Variants in OXCT1 observed in about 807,000 individuals in gnomAD.
OXCT1 encodes the protein 3-oxoacid CoA-transferase 1.
A neutral mutation model predicts 69.6 loss-of-function variants in OXCT1; 27 were observed. The observed-to-expected ratio is 0.39, with a 90% confidence interval of 0.29 to 0.54. The LOEUF is 0.54. OXCT1 is among the 20% of genes least tolerant of loss of function. OXCT1 has a pLI of 0.72. For synonymous variants in OXCT1, 202 were observed against 217.8 expected (o/e 0.93, Z 0.64); for missense variants, 437 against 650.2 (o/e 0.67, Z 3.57).
chr5:41,859,907 T>TATATATATATATACACAC, intron 3 of OXCT1, among the ~76,000 whole-genome samples: 1 of 138,472 alleles, frequency 7.2e-6, no homozygotes, highest in African/African-American at 2.6e-5. Context: ...TATATATATA[T>TATATATATATATACACAC]ACACACACAC....
rs116059571 is a variant in OXCT1, at chr5:41,757,251, T to C, written c.1338+4860A>G. The stretch of plus-strand genomic sequence containing the variant: ...GGACCTAATTATAAATCTCTTAACA[T>C]GCACCATCCTCCCACACACCAGTGT... On this transcript the variant is annotated intron_variant, in intron 14 of 16. Coordinates refer to ENST00000196371, the MANE Select transcript of OXCT1 (RefSeq NM_000436.4). Among the ~76,000 whole-genome samples the C allele has an allele frequency of 3.8e-3, 579 of 152,220 alleles. 2 individuals carry two copies. The highest frequency in any genetic ancestry group is 0.013 in the African/African-American group (559 of 41,544).
At chr5:41,836,344 G>A (rs1432822302) in intron 7 of OXCT1, among the ~76,000 whole-genome samples, 1 of 152,218 alleles carries the variant, frequency 6.6e-6, no homozygotes, top group Non-Finnish European at 1.5e-5. Flanking sequence ...AGAGGGGTAG[G>A]AAGATACAGC....
At chr5:41,770,105 A>T (rs748937742) in intron 13 of OXCT1, among the ~76,000 whole-genome samples, 1 of 152,196 alleles carries the variant, frequency 6.6e-6, no homozygotes, top group African/African-American at 2.4e-5. Flanking sequence ...GTTCACCTTC[A>T]ACCCAGTGCA....
At chr5:41,802,900 G>A (rs540198235) in intron 10 of OXCT1, among the ~76,000 whole-genome samples, 169 bp downstream of exon 10, 16 of 152,034 alleles carry the variant, frequency 1.1e-4, no homozygotes, top group African/African-American at 3.1e-4. Context: ...TATGTGGGAC[G>A]GATCCACTAA....
At chr5:41,866,779 C>A (rs1290970674) in intron 1 of OXCT1, among the ~76,000 whole-genome samples, 1 of 152,200 alleles carries the variant, frequency 6.6e-6, no homozygotes, top group Non-Finnish European at 1.5e-5. Flanking sequence ...CATACATGTT[C>A]TTCTCCAATG....
intron 7 of OXCT1, among the ~76,000 whole-genome samples, chr5:41,812,624 G>T (rs1217393636): frequency 6.6e-6 from 1 of 152,018 alleles, no homozygotes; most frequent in African/African-American, 2.4e-5. Context: ...GGGTGATTTT[G>T]TTTTTGCTGC....
intron 15 of OXCT1, among the ~76,000 whole-genome samples, chr5:41,740,292 A>G (rs1743100389): frequency 6.6e-6 from 1 of 152,220 alleles, no homozygotes; most frequent in Non-Finnish European, 1.5e-5. Flanking sequence ...AGGAGTAATT[A>G]TAAGAGGATA....
chr5:41,773,076 A>G (rs1326225172), intron 13 of OXCT1, among the ~76,000 whole-genome samples: 2 of 152,228 alleles, frequency 1.3e-5, no homozygotes, highest in Non-Finnish European at 2.9e-5. Flanking sequence ...ACCAGTTAAA[A>G]GAACGACTTT....
intron 5 of OXCT1, among the ~76,000 whole-genome samples, chr5:41,847,543 C>G (rs1459535491): frequency 6.6e-6 from 1 of 151,632 alleles, no homozygotes; most frequent in Non-Finnish European, 1.5e-5. Flanking sequence ...AAAATACTGG[C>G]AAACCGAATC....
In OXCT1 at chr5:41,811,384, C is replaced by A. The variant is rs79723589; in HGVS notation, c.733-3946G>T. 5.8e-3 allele frequency among the ~76,000 whole-genome samples: 888 copies of A among 151,942 alleles called. 9 individuals are homozygous for A. Among genetic ancestry groups the A allele is most frequent in the African/African-American group, 0.02 (846 of 41,450 alleles). On this transcript the variant is annotated intron_variant, in intron 7 of 16. Coordinates refer to ENST00000196371, the MANE Select transcript of OXCT1 (RefSeq NM_000436.4). ...ACCCTGATTTTACCTTTATGTTATA[C>A]GAATATGTCAAATTATCACAGGTAC...
At chr5:41,769,885 A>G (rs1033130198) in intron 13 of OXCT1, among the ~76,000 whole-genome samples, 2 of 152,124 alleles carry the variant, frequency 1.3e-5, no homozygotes, top group Non-Finnish European at 1.5e-5. Context: ...GAGCCTCCCA[A>G]GTAGCTGGGG....
intron 4 of OXCT1, 106 bp from the exon 5 acceptor site, chr5:41,850,285 A>G (rs1749118390): frequency 1.6e-6 from 2 of 1,275,350 alleles, no homozygotes; most frequent in Admixed American, 3.8e-5. Context: ...ATAATTCTAA[A>G]AAGTAGCTAG....
At chr5:41,857,392 C>T (rs1749480258) in intron 3 of OXCT1, among the ~76,000 whole-genome samples, 1 of 152,182 alleles carries the variant, frequency 6.6e-6, no homozygotes. Flanking sequence ...CTCCTTTTGG[C>T]TCACTTCTCT....
At chr5:41,752,816 T>C (rs1419851792) in intron 14 of OXCT1, among the ~76,000 whole-genome samples, 1 of 152,032 alleles carries the variant, frequency 6.6e-6, no homozygotes, top group Non-Finnish European at 1.5e-5. Flanking sequence ...TGCCCTTACT[T>C]ATTAACTTCA....
At chr5:41,804,946 CTGTAGTGAAAACTAGCAAAA>C (rs749252011) in intron 9 of OXCT1, among the ~76,000 whole-genome samples, 2 of 152,020 alleles carry the variant, frequency 1.3e-5, no homozygotes, top group Non-Finnish European at 2.9e-5. Context: ...TCAATGTCTA[CTGTAGTGAAAACTAGCAAAA>C]TGGTGAACAG....
intron 9 of OXCT1, among the ~76,000 whole-genome samples, chr5:41,805,189 T>A (rs1423095400): frequency 6.6e-6 from 1 of 152,046 alleles, no homozygotes; most frequent in African/African-American, 2.4e-5. Flanking sequence ...TATGCAAATG[T>A]CAGGATAGAC....
At position 41,828,403 on chromosome 5, in the gene OXCT1, C is replaced by T. The variant is rs1271564982; in HGVS notation, c.732+12048G>A. 4.6e-5 allele frequency among the ~76,000 whole-genome samples: 7 copies of T among 152,180 alleles called. No individual in the cohort carries two copies. In the East Asian group the frequency reaches 1.4e-3, roughly 29 times the overall value. Reference sequence around the variant, plus strand: ...CCTCCCAAATTGCTGGGATTACAGGCATGAGCCACTGCACATGGCCAGGCT... The same window carrying T: ...CCTCCCAAATTGCTGGGATTACAGGTATGAGCCACTGCACATGGCCAGGCT... On this transcript the variant is annotated intron_variant, in intron 7 of 16. Transcript: ENST00000196371.
intron 13 of OXCT1, among the ~76,000 whole-genome samples, chr5:41,773,570 C>A (rs1744980738): frequency 6.6e-6 from 1 of 152,000 alleles, no homozygotes; most frequent in Admixed American, 6.6e-5. Context: ...CAACGCACTC[C>A]AGCCTGGGCT....
At chr5:41,746,555 G>A (rs915945497) in intron 15 of OXCT1, among the ~76,000 whole-genome samples, 5 of 151,926 alleles carry the variant, frequency 3.3e-5, no homozygotes, top group Non-Finnish European at 1.5e-5. Flanking sequence ...TTTCTTTAAC[G>A]TACCAAAAGT....
Sources: allele counts gnomAD v4.1 joint callset (sites outside exome capture counted in the v4.1 genomes callset), GRCh38; gene constraint gnomAD v4.1.1; transcripts MANE v1.5; gene names NCBI Gene and HGNC (gene_info 2026-07-23, HGNC 2026-07-21).